The following SEC24C variants were observed in gnomAD, a reference collection of about 807,000 sequenced individuals.
SEC24C encodes the protein protein transport protein Sec24C.
Under a neutral mutation model 117.0 loss-of-function variants are expected in SEC24C, and 22 were observed. That is an observed-to-expected ratio of 0.19 (90% confidence interval 0.13 to 0.27). SEC24C has a LOEUF of 0.27. Ranked by LOEUF, SEC24C falls within the 10% of genes least tolerant of loss-of-function variation. The probability of loss-of-function intolerance (pLI) is 1.00; values close to 1 mark genes in which losing one functional copy is unlikely to be tolerated. For missense variants in SEC24C, 1,155 were observed against 1,375.1 expected (o/e 0.84, Z 2.53); for synonymous variants, 506 against 529.4 (o/e 0.96, Z 0.61).
chr10:73,764,343 T>C (rs2082846944), intron 8 of SEC24C, among the ~76,000 whole-genome samples: 1 of 151,802 alleles, frequency 6.6e-6, no homozygotes, highest in African/African-American at 2.4e-5. Context: ...GCTAACACGG[T>C]GAAACCCCGT....
rs532243887 is a variant in SEC24C at position 73,769,241 on chromosome 10, A to G, written c.2424+89A>G. On this transcript the variant is annotated intron_variant, in intron 17 of 22. Coordinates refer to ENST00000345254, the MANE Select transcript of SEC24C (RefSeq NM_198597.3). The surrounding 1 kb of genome is among the most constrained non-coding windows in gnomAD (Gnocchi z 4.5). Reference sequence around the variant, plus strand: ...GGAATGGGTAGAGAGCACTAAAAGAAGAGACAGGGCACGGGAGTGGCTCAT... The same window carrying G: ...GGAATGGGTAGAGAGCACTAAAAGAGGAGACAGGGCACGGGAGTGGCTCAT... The G allele has an allele frequency of 1.3e-6, 2 of 1,589,356 alleles. No individual in the cohort carries two copies. Among genetic ancestry groups the G allele is most frequent in the Admixed American group, 1.8e-5 (1 of 56,240 alleles).
chr10:73,767,700 T>G (rs1446484956), intron 14 of SEC24C, 137 bp from the exon 15 acceptor site: 1 of 602,178 alleles, frequency 1.7e-6, no homozygotes, highest in Non-Finnish European at 2.6e-6. Flanking sequence ...AGAAAATTTT[T>G]TACTATTGGA....
intron 3 of SEC24C, among the ~76,000 whole-genome samples, chr10:73,757,166 G>A (rs542034229): frequency 2.0e-5 from 3 of 146,348 alleles, no homozygotes; most frequent in East Asian, 4.2e-4. Context: ...CATCTGTCTC[G>A]GCCTCCCAAA....
intron 6 of SEC24C, among the ~76,000 whole-genome samples, chr10:73,763,219 T>TG (rs568730206): frequency 6.6e-6 from 1 of 151,882 alleles, no homozygotes; most frequent in Non-Finnish European, 1.5e-5. Context: ...TCACCATTGA[T>TG]GGGGGGTAGG....
chr10:73,765,585 T>C lies in SEC24C; in HGVS notation c.1362T>C (p.Asn454=), dbSNP rs2082870566. The C allele has an allele frequency of 6.2e-7, 1 of 1,613,564 alleles. No homozygotes were observed. Among genetic ancestry groups the C allele is most frequent in the South Asian group, 1.1e-5 (1 of 91,076 alleles). ...AGTGCTGTTTTTGCAGCTGTATCAA[T>C]GATGGTATGTTCATGGAAGCTGGGA... is the stretch of plus-strand genomic sequence containing the variant. The part of the protein sequence containing the change: ...RFQCCFCSCI[N]DVPPQYFQHL... The change falls in exon 9 of 23, where the codon AAT becomes AAC. Residue 454 remains asparagine (N), a synonymous_variant. Transcript: ENST00000345254.
rs759559431 is a variant in SEC24C, at chr10:73,759,717, A to T, written c.404A>T (p.Gln135Leu). Residue 135 changes from glutamine to leucine, a missense_variant, in exon 4 of 23, where the codon CAG becomes CTG. This residue lies in a region of SEC24C where 396 missense variants were observed against 382.8 expected (regional missense o/e 1.03). Transcript: ENST00000345254. Reference protein sequence around the residue: ...QPYGPPPTSAQVATQLSGMQI... With the variant: ...QPYGPPPTSALVATQLSGMQI... Reference sequence around the variant, plus strand: ...TATGGCCCTCCCCCGACAAGTGCACAGGTGGCTACGCAGCTGTCTGGAATG... The same window carrying T: ...TATGGCCCTCCCCCGACAAGTGCACTGGTGGCTACGCAGCTGTCTGGAATG... 8.1e-6 allele frequency: 13 copies of T among 1,610,450 alleles called. No homozygotes were observed. The South Asian group carries it at 1.4e-4, about 18-fold the overall frequency.
Position 73,769,324 on chromosome 10 carries a change from T to G in SEC24C, c.2425-23T>G. The G allele has an allele frequency of 6.2e-7, 1 of 1,612,370 alleles. No individual in the cohort carries two copies. Among genetic ancestry groups the G allele is most frequent in the Non-Finnish European group, 8.5e-7 (1 of 1,179,192 alleles). ...GCCTTTGTGAGGGAGGGGTGTGAGTTCCCCCTTTCTCCTTTCCCCTAGTGT... is the reference window on the plus strand; with the variant it reads ...GCCTTTGTGAGGGAGGGGTGTGAGTGCCCCCTTTCTCCTTTCCCCTAGTGT... On this transcript the variant is annotated intron_variant, in intron 17 of 22. Transcript: ENST00000345254. The surrounding 1 kb of genome is among the most constrained non-coding windows in gnomAD (Gnocchi z 4.5).
chr10:73,769,543 G>A lies in SEC24C; in HGVS notation c.2563+58G>A. ...GGCTGAGAGGTCCAGGATGGTGAGT[G>A]GGTAGTTGTGATGGTGGGAATGCAC... On this transcript the variant is annotated intron_variant, in intron 18 of 22. Coordinates refer to ENST00000345254, the MANE Select transcript of SEC24C (RefSeq NM_198597.3). This position sits in a 1 kb window ranked among gnomAD's most constrained non-coding sequence, Gnocchi z 4.5. 1 of 1,613,132 alleles carries A rather than the reference G, an allele frequency of 6.2e-7. No individual in the cohort carries two copies. Among genetic ancestry groups the A allele is most frequent in the East Asian group, 2.2e-5 (1 of 44,868 alleles).
intron 6 of SEC24C, 114 bp downstream of exon 6, chr10:73,760,963 C>CT: frequency 8.2e-7 from 1 of 1,214,726 alleles, no homozygotes; most frequent in Non-Finnish European, 1.1e-6. Flanking sequence ...TTTTGTTCAT[C>CT]TTCTTGGAGA....
At chr10:73,747,059 C>T (rs750466693) in intron 2 of SEC24C, 55 bp downstream of exon 2, 6 of 1,541,030 alleles carry the variant, frequency 3.9e-6, no homozygotes, top group Non-Finnish European at 5.3e-6. Flanking sequence ...GCAGAGTCTT[C>T]AGGTTGGGTT....
In SEC24C at chr10:73,770,036, A is replaced by G. The variant is rs375738871; in HGVS notation, c.2862+21A>G. ...CTTTGGTGCGATTGAGGGTTGGAGTATGAGATCTTGCACGGAGCAAAGGGC... is the reference window on the plus strand; with the variant it reads ...CTTTGGTGCGATTGAGGGTTGGAGTGTGAGATCTTGCACGGAGCAAAGGGC... On this transcript the variant is annotated intron_variant, in intron 20 of 22. Coordinates refer to ENST00000345254, the MANE Select transcript of SEC24C (RefSeq NM_198597.3). 4.3e-6 allele frequency: 7 copies of G among 1,612,152 alleles called. No individual in the cohort carries two copies. The African/African-American group carries it at 5.3e-5, about 12-fold the overall frequency.
At chr10:73,770,588 G>T in intron 21 of SEC24C, 117 bp downstream of exon 21, 2 of 1,493,612 alleles carry the variant, frequency 1.3e-6, no homozygotes, top group South Asian at 2.3e-5. Context: ...TTGGGGACAA[G>T]GGCAGTTGCT....
intron 15 of SEC24C, 127 bp from the exon 16 acceptor site, chr10:73,768,682 AT>A: frequency 1.1e-5 from 9 of 815,056 alleles, no homozygotes; most frequent in Non-Finnish European, 1.7e-5. Flanking sequence ...TGTCATCATC[AT>A]TATCATCCTC....
At position 73,746,870 on chromosome 10, in the gene SEC24C, T is replaced by C. The variant is rs768976080; in HGVS notation, c.38T>C (p.Phe13Ser). The C allele has an allele frequency of 4.7e-5, 76 of 1,612,532 alleles. No individual in the cohort carries two copies. The highest frequency in any genetic ancestry group is 6.3e-5 in the Non-Finnish European group (74 of 1,179,346). ...CAGTCAGTTCCACCTGTGCCACCAT[T>C]TGGGCAGCCCCAGCCCATCTACCCA... Reference protein sequence around the residue: ...VNQSVPPVPPFGQPQPIYPGY... With the variant: ...VNQSVPPVPPSGQPQPIYPGY... Residue 13 changes from phenylalanine (F) to serine (S), a missense_variant, in exon 2 of 23, where the codon TTT (phenylalanine) becomes TCT (serine). Physicochemically the swap from Phe to Ser is radical, Grantham distance 155. Around this residue, in one of 2 missense-constraint regions of SEC24C, gnomAD observed 396 missense variants for 382.8 expected, o/e 1.03. Coordinates refer to ENST00000345254, the MANE Select transcript of SEC24C (RefSeq NM_198597.3).
At chr10:73,758,250 A>AAAAG (rs1185199758) in intron 3 of SEC24C, among the ~76,000 whole-genome samples, 1 of 149,694 alleles carries the variant, frequency 6.7e-6, no homozygotes, top group African/African-American at 2.5e-5. Flanking sequence ...AAAAGAAAAG[A>AAAAG]AAAAAAAAAG....
chr10:73,750,984 C>A, intron 2 of SEC24C, 124 bp from the exon 3 acceptor site: 2 of 1,011,586 alleles, frequency 2.0e-6, no homozygotes, highest in Non-Finnish European at 2.9e-6. Context: ...GTCCTTTTCA[C>A]TGCCTAAACT....
chr10:73,749,920 A>G (rs1349944610), intron 2 of SEC24C, among the ~76,000 whole-genome samples: 1 of 152,176 alleles, frequency 6.6e-6, no homozygotes, highest in Admixed American at 6.5e-5. Flanking sequence ...TTAACAGTAG[A>G]TCTTTGCTTA....
In SEC24C at chr10:73,771,256, C is replaced by G. The variant is rs188192694; in HGVS notation, c.*161C>G. On this transcript the variant is annotated 3_prime_UTR_variant, in exon 23 of 23. Transcript: ENST00000345254. ...CACCTTCTTTCTGGGCTCAAGTATCCTGCCACTCTGTCATGTCCTGCTGAT... is the reference window on the plus strand; with the variant it reads ...CACCTTCTTTCTGGGCTCAAGTATCGTGCCACTCTGTCATGTCCTGCTGAT... 1 of 753,848 alleles carries G rather than the reference C, an allele frequency of 1.3e-6. No homozygotes were observed. Among genetic ancestry groups the G allele is most frequent in the South Asian group, 1.8e-5 (1 of 54,068 alleles). The allele number at this position is 753,848 out of a possible 1,614,324, so 46.7% of individuals were successfully genotyped here.
intron 1 of SEC24C, among the ~76,000 whole-genome samples, chr10:73,745,750 G>T (rs1325164880): frequency 6.6e-6 from 1 of 151,646 alleles, no homozygotes; most frequent in East Asian, 2.0e-4. Flanking sequence ...GGGTTTCACC[G>T]TGTTGGCCAG....
Sources: allele counts gnomAD v4.1 joint callset (sites outside exome capture counted in the v4.1 genomes callset), GRCh38; gene constraint gnomAD v4.1.1; regional missense constraint gnomAD v4.1.1; non-coding constraint Gnocchi (gnomAD v3.1); transcripts MANE v1.5; gene names NCBI Gene and HGNC (gene_info 2026-07-23, HGNC 2026-07-21).